The following ACSL1 variants were observed in gnomAD, a reference collection of about 807,000 sequenced individuals.
The protein encoded by ACSL1 is long-chain-fatty-acid--CoA ligase 1.
Under a neutral mutation model 98.4 loss-of-function variants are expected in ACSL1, and 41 were observed. That is an observed-to-expected ratio of 0.42 (90% CI 0.32 to 0.54). ACSL1 has a LOEUF of 0.54. ACSL1 is among the 20% of genes least tolerant of loss of function. The probability of loss-of-function intolerance (pLI) is 0.13; values close to 1 mark genes in which losing one functional copy is unlikely to be tolerated. For missense variants in ACSL1, 734 were observed against 883.1 expected, an observed-to-expected ratio of 0.83 and a Z score of 2.14; for synonymous variants, 316 against 322.7, an observed-to-expected ratio of 0.98 and a Z score of 0.22.
rs1228470535 is a variant in ACSL1, at chr4:184,757,253, T to C, written c.1969A>G (p.Thr657Ala). The C allele has an allele frequency of 6.3e-7, 1 of 1,598,672 alleles. No individual in the cohort carries two copies. The highest frequency in any genetic ancestry group is 1.3e-5 in the African/African-American group (1 of 74,640). The change falls in exon 21 of 21, where the codon ACA becomes GCA. Residue 657 changes from threonine to alanine, a missense_variant. By Grantham distance (58) the Thr-to-Ala change is moderately conservative (BLOSUM62 0). Coordinates refer to ENST00000281455, the MANE Select transcript of ACSL1 (RefSeq NM_001995.5). The surrounding 1 kb of genome is among the most constrained non-coding windows in gnomAD (Gnocchi z 4.5). ...LKPFEQVKGI[T>A]LHPELFSIDN... The stretch of plus-strand genomic sequence containing the variant: ...ATAGAAAATAATTCAGGGTGCAATG[T>C]GATGCCTTTGACCTGCCAATAAACA...
intron 2 of ACSL1, among the ~76,000 whole-genome samples, chr4:184,797,430 T>G (rs546603352): frequency 3.9e-5 from 6 of 152,212 alleles, no homozygotes; most frequent in African/African-American, 1.4e-4. Context: ...GAAATCCTAC[T>G]TGGTAATATG....
intron 1 of ACSL1, chr4:184,821,109 G>A: frequency 2.2e-6 from 1 of 456,304 alleles, no homozygotes; most frequent in South Asian, 1.5e-5. Flanking sequence ...CCCATCAGAA[G>A]CTTAGCAGCA....
At chr4:184,820,322 T>C (rs1378973616) in intron 1 of ACSL1, among the ~76,000 whole-genome samples, 2 of 152,148 alleles carry the variant, frequency 1.3e-5, no homozygotes, top group Non-Finnish European at 2.9e-5. Context: ...CGGCCAGTCA[T>C]GCGTCTCAAT....
At position 184,785,600 on chromosome 4, in the gene ACSL1, C is replaced by CGGGGGG. The variant is rs1174393165; in HGVS notation, c.311-1610_311-1609insCCCCCC. Among the ~76,000 whole-genome samples the CGGGGGG allele has an allele frequency of 5.2e-4, 10 of 19,186 alleles. 1 individual carries two copies. Among genetic ancestry groups the CGGGGGG allele is most frequent in the South Asian group, 0.013 (2 of 158 alleles). The allele number at this position is 19,186 out of a possible 152,430, so 12.6% of individuals were successfully genotyped here. On this transcript the variant is annotated intron_variant, in intron 3 of 20. Coordinates refer to ENST00000281455, the MANE Select transcript of ACSL1 (RefSeq NM_001995.5). ...CTTAGAATAAAAAGATCCTCCTGGGCGGGGGCGGGGGGGGGGGGGGGAAGG... is the reference window on the plus strand; with the variant it reads ...CTTAGAATAAAAAGATCCTCCTGGGCGGGGGGGGGGGCGGGGGGGGGGGGGGGAAGG...
chr4:184,820,834 G>C (rs927429345), intron 1 of ACSL1, among the ~76,000 whole-genome samples: 1 of 151,994 alleles, frequency 6.6e-6, no homozygotes. Context: ...ACCCGCCTCG[G>C]CCTCCCAAAA....
At chr4:184,792,684 C>T (rs1768605502) in intron 2 of ACSL1, among the ~76,000 whole-genome samples, 1 of 152,208 alleles carries the variant, frequency 6.6e-6, no homozygotes, top group Non-Finnish European at 1.5e-5. Flanking sequence ...AGGGATCCTT[C>T]CGCCTAGGCC....
At chr4:184,785,169 G>A (rs552802516) in intron 3 of ACSL1, among the ~76,000 whole-genome samples, 3 of 152,308 alleles carry the variant, frequency 2.0e-5, no homozygotes, top group African/African-American at 7.2e-5. Flanking sequence ...TGGCACCAAA[G>A]CCAAAAATAT....
At chr4:184,779,536 T>C (rs979525239) in intron 5 of ACSL1, among the ~76,000 whole-genome samples, 1 of 152,194 alleles carries the variant, frequency 6.6e-6, no homozygotes. Context: ...AATGACAGAC[T>C]GCCCAAAGGA....
intron 3 of ACSL1, 119 bp from the exon 4 acceptor site, chr4:184,784,110 G>T: frequency 4.0e-6 from 3 of 751,726 alleles, no homozygotes; most frequent in Non-Finnish European, 6.6e-6. Context: ...TTAGTCCTCA[G>T]ATAAGAAATG....
chr4:184,758,151 C>A (rs770062425), intron 18 of ACSL1: 4 of 503,610 alleles, frequency 7.9e-6, no homozygotes, highest in Non-Finnish European at 1.4e-5. Context: ...TTTTAAAAAA[C>A]CACTGGGAAT....
chr4:184,814,469 G>T (rs1396667372), intron 1 of ACSL1, among the ~76,000 whole-genome samples: 1 of 152,018 alleles, frequency 6.6e-6, no homozygotes, highest in East Asian at 1.9e-4. Context: ...AACCCCCAGG[G>T]AACAGTGATA....
chr4:184,763,182 G>A lies in ACSL1; in HGVS notation c.1506C>T (p.Ala502=), dbSNP rs747661349. ...TTTCACTCACCTCGCCCTCGCCCTCGGCAGCCATGTAATTCATTTCTTCCA... is the reference window on the plus strand; with the variant it reads ...TTTCACTCACCTCGCCCTCGCCCTCAGCAGCCATGTAATTCATTTCTTCCA... ...VDVEEMNYMA[A]EGEGEVCVKG... The change falls in exon 16 of 21, where the codon GCC becomes GCT. Residue 502 remains alanine, a synonymous_variant. Transcript: ENST00000281455. The A allele has an allele frequency of 1.1e-5, 17 of 1,613,838 alleles. No homozygotes were observed. Among genetic ancestry groups the A allele is most frequent in the Admixed American group, 5.0e-5 (3 of 59,918 alleles).
At chr4:184,780,287 G>A (rs1365534111) in intron 5 of ACSL1, 45 bp downstream of exon 5, 1 of 1,513,052 alleles carries the variant, frequency 6.6e-7, no homozygotes, top group Non-Finnish European at 9.1e-7. Flanking sequence ...TCTTATATCT[G>A]AGAATTCTCA....
At chr4:184,776,372 A>C in intron 7 of ACSL1, 112 bp downstream of exon 7, 1 of 1,248,398 alleles carries the variant, frequency 8.0e-7, no homozygotes, top group Non-Finnish European at 1.1e-6. Context: ...TGCGGAGGCA[A>C]CCGGCCAGCG....
At chr4:184,775,555 A>G (rs1201554674) in intron 7 of ACSL1, among the ~76,000 whole-genome samples, 1 of 152,174 alleles carries the variant, frequency 6.6e-6, no homozygotes, top group Non-Finnish European at 1.5e-5. Flanking sequence ...CACTTGCGGA[A>G]TCACGTTCGA....
At chr4:184,777,023 T>A in intron 5 of ACSL1, 40 bp from the exon 6 acceptor site, 1 of 1,534,510 alleles carries the variant, frequency 6.5e-7, no homozygotes, top group Non-Finnish European at 9.0e-7. Context: ...AAACAGGATG[T>A]CATCATGTAA....
At chr4:184,811,169 T>C (rs527821645) in intron 1 of ACSL1, among the ~76,000 whole-genome samples, 75 of 151,738 alleles carry the variant, frequency 4.9e-4, no homozygotes, top group African/African-American at 9.6e-4. Flanking sequence ...AGTGCAGTGG[T>C]GTGATCTCGG....
intron 7 of ACSL1, among the ~76,000 whole-genome samples, chr4:184,774,910 A>T (rs1765057266): frequency 6.6e-6 from 1 of 152,154 alleles, no homozygotes; most frequent in Non-Finnish European, 1.5e-5. Flanking sequence ...AATTCTGTAC[A>T]TTTTTTTCAA....
chr4:184,824,038 G>A (rs934262150), intron 1 of ACSL1, among the ~76,000 whole-genome samples: 22 of 152,150 alleles, frequency 1.4e-4, no homozygotes, highest in African/African-American at 5.1e-4. Flanking sequence ...GGCTGCCTGC[G>A]ATAACAATAA....
Sources: gnomAD v4.1 joint callset for allele counts (sites outside exome capture counted in the v4.1 genomes callset) on GRCh38, gnomAD v4.1.1 for gene constraint, Gnocchi (gnomAD v3.1) non-coding constraint, MANE v1.5 for transcripts, NCBI Gene and HGNC (gene_info 2026-07-23, HGNC 2026-07-21) for gene names.